Variants in SLC14A2 observed in about 807,000 individuals in gnomAD.
The protein encoded by SLC14A2 is urea transporter 2.
A neutral mutation model predicts 104.6 loss-of-function variants in SLC14A2; 91 were observed. The observed-to-expected ratio is 0.87, with a 90% CI of 0.73 to 1.04. The LOEUF is 1.04. Ranked by LOEUF, SLC14A2 falls within the 50% of genes least tolerant of loss-of-function variation. The pLI, the probability that SLC14A2 is intolerant of heterozygous loss-of-function variation, is 0.00. For synonymous variants in SLC14A2, 476 were observed against 466.4 expected (o/e 1.02, Z -0.27); for missense variants, 1,189 against 1,156.0 (o/e 1.03, Z -0.41).
intron 1 of SLC14A2, among the ~76,000 whole-genome samples, chr18:45,299,752 G>A (rs8093563): frequency 0.31 from 47,481 of 152,088 alleles, 7,811 homozygotes; most frequent in African/African-American, 0.43. Flanking sequence ...GTGACCCACC[G>A]TGCCCGGCAC....
At chr18:45,539,601 C>T (rs558908982) in intron 2 of SLC14A2, among the ~76,000 whole-genome samples, 19 of 152,312 alleles carry the variant, frequency 1.2e-4, no homozygotes, top group African/African-American at 4.6e-4. Context: ...GCAGCCCCAT[C>T]GATCCCAGAC....
At chr18:45,439,635 A>G (rs1252375137) in intron 1 of SLC14A2, among the ~76,000 whole-genome samples, 1 of 152,228 alleles carries the variant, frequency 6.6e-6, no homozygotes, top group Non-Finnish European at 1.5e-5. Context: ...AATTAGCTAA[A>G]TAATTATACA....
rs142623770 is a variant in SLC14A2 at position 45,527,587 on chromosome 18, A to G, written c.-35+44265A>G. The stretch of plus-strand genomic sequence containing the variant: ...AAATACATTCAAGTCTTTTCTACAG[A>G]CTCATGATATGGGAAGGATGTGGCA... On this transcript the variant is annotated intron_variant, in intron 2 of 20. Transcript: ENST00000586448. Among the ~76,000 whole-genome samples the G allele has an allele frequency of 6.0e-3, 908 of 152,256 alleles. 9 individuals carry two copies. Among genetic ancestry groups the G allele is most frequent in the African/African-American group, 0.019 (805 of 41,562 alleles).
chr18:45,438,986 T>C (rs1355317797), intron 1 of SLC14A2, among the ~76,000 whole-genome samples: 1 of 152,120 alleles, frequency 6.6e-6, no homozygotes, highest in Non-Finnish European at 1.5e-5. Context: ...GCAGCCCTGG[T>C]ATTAAAACCC....
At chr18:45,550,142 A>G (rs542500924) in intron 2 of SLC14A2, 4 of 152,360 alleles carry the variant, frequency 2.6e-5, no homozygotes, top group African/African-American at 7.2e-5. Context: ...CTCATTACCA[A>G]AGAAAAGTTT....
intron 2 of SLC14A2, among the ~76,000 whole-genome samples, chr18:45,523,928 T>C (rs142284784): frequency 5.3e-4 from 80 of 152,338 alleles, no homozygotes; most frequent in Non-Finnish European, 9.4e-4. Flanking sequence ...CATTTTCAGA[T>C]AAGAGAATGA....
intron 1 of SLC14A2, among the ~76,000 whole-genome samples, chr18:45,235,839 ATATATATG>A (rs2084222711): frequency 1.1e-5 from 1 of 88,152 alleles, no homozygotes; most frequent in Non-Finnish European, 2.4e-5. Context: ...ATACGTGTAT[ATATATATG>A]TATATATACA....
intron 1 of SLC14A2, among the ~76,000 whole-genome samples, chr18:45,441,810 G>A (rs551244540): frequency 1.4e-4 from 22 of 152,292 alleles, no homozygotes; most frequent in Admixed American, 1.3e-3. Flanking sequence ...GCATTTGGGG[G>A]CCTCCAGTGC....
At chr18:45,330,597 A>G (rs2085280158) in intron 1 of SLC14A2, among the ~76,000 whole-genome samples, 1 of 152,214 alleles carries the variant, frequency 6.6e-6, no homozygotes, top group South Asian at 2.1e-4. Context: ...AACATGGAAT[A>G]TGGACTTCAT....
intron 2 of SLC14A2, among the ~76,000 whole-genome samples, chr18:45,527,219 T>C (rs1037900925): frequency 2.6e-5 from 4 of 152,206 alleles, no homozygotes; most frequent in Admixed American, 1.3e-4. Flanking sequence ...AGCGTTGGGA[T>C]GGCAGATTTA....
Position 45,442,244 on chromosome 18 carries a change from T to A in SLC14A2, c.-124-40989T>A, listed in dbSNP as rs538896584. Among the ~76,000 whole-genome samples, 15 of 152,288 alleles carry A rather than the reference T, an allele frequency of 9.8e-5. No homozygotes were observed. In the South Asian group the frequency reaches 3.1e-3, roughly 32 times the overall value. On this transcript the variant is annotated intron_variant, in intron 1 of 20. Transcript: ENST00000586448. ...AGGATAGGACTATTCAAAGGCTTTG[T>A]GGTAGTATGCTAGCACTGCCATCAC...
intron 1 of SLC14A2, among the ~76,000 whole-genome samples, chr18:45,388,228 A>G (rs537520374): frequency 3.3e-5 from 5 of 151,690 alleles, no homozygotes; most frequent in South Asian, 2.1e-4. Flanking sequence ...ACGCCCGGCT[A>G]ATTTTTTGTA....
At chr18:45,344,233 T>A (rs1265449424) in intron 1 of SLC14A2, among the ~76,000 whole-genome samples, 6 of 152,178 alleles carry the variant, frequency 3.9e-5, no homozygotes, top group African/African-American at 9.7e-5. Context: ...TTTCTGTGAG[T>A]TTGAACGCCA....
At chr18:45,533,785 G>A (rs771506823) in intron 2 of SLC14A2, among the ~76,000 whole-genome samples, 40 of 152,192 alleles carry the variant, frequency 2.6e-4, no homozygotes, top group Non-Finnish European at 5.0e-4. Flanking sequence ...TTTTAATTGT[G>A]ATGTTAGGGT....
intron 1 of SLC14A2, among the ~76,000 whole-genome samples, chr18:45,286,838 C>G (rs949327481): frequency 3.3e-5 from 5 of 152,174 alleles, no homozygotes; most frequent in African/African-American, 1.2e-4. Context: ...AAACACCAAG[C>G]ATGCATTATT....
rs1378830935 is a variant in SLC14A2, at chr18:45,632,435, T to TAG, written c.608_609insGA (p.Tyr203Ter). 6.2e-7 allele frequency: 1 copy of TAG among 1,614,126 alleles called. No homozygotes were observed. Among genetic ancestry groups the TAG allele is most frequent in the East Asian group, 2.2e-5 (1 of 44,888 alleles). ...MAVFSEKLDYYWWLLFPVTFT... is the reference protein window; with the variant it reads ...MAVFSEKLDY Reference sequence around the variant, plus strand: ...CGTGTTCTCGGAGAAGTTAGACTACTACTGGTGGCTTCTGTTTCCTGTGAC... The same window carrying TAG: ...CGTGTTCTCGGAGAAGTTAGACTACTAGACTGGTGGCTTCTGTTTCCTGTGAC... The change falls in exon 5 of 20, where the codon TAC (tyrosine) becomes TAGAC (stop). Residue 203 changes from tyrosine to a stop codon, truncating the protein, a stop_gained and frameshift_variant. Transcript: ENST00000255226. LOFTEE classifies it high-confidence loss of function.
chr18:45,448,714 A>G (rs538584831), intron 1 of SLC14A2, among the ~76,000 whole-genome samples: 18 of 152,258 alleles, frequency 1.2e-4, no homozygotes, highest in Non-Finnish European at 1.6e-4. Flanking sequence ...CTCTGGGTGC[A>G]TATCTCACTG....
chr18:45,357,276 G>A (rs1598716079), intron 1 of SLC14A2, among the ~76,000 whole-genome samples: 1 of 147,516 alleles, frequency 6.8e-6, no homozygotes, highest in East Asian at 2.0e-4. Context: ...TACTATCAGG[G>A]CAGGTTGAGA....
intron 1 of SLC14A2, among the ~76,000 whole-genome samples, chr18:45,481,630 A>G (rs554267531): frequency 7.9e-5 from 12 of 152,322 alleles, no homozygotes; most frequent in South Asian, 2.1e-4. Context: ...CAGTTTATCC[A>G]GCTTAGTAAT....
Sources: allele counts gnomAD v4.1 joint callset (sites outside exome capture counted in the v4.1 genomes callset), GRCh38; gene constraint gnomAD v4.1.1; transcripts MANE v1.5; gene names NCBI Gene and HGNC (gene_info 2026-07-23, HGNC 2026-07-21).